Variants in SLC68A1 observed in about 807,000 individuals in gnomAD.
SLC68A1 encodes the protein major facilitator superfamily domain containing 13A.
the SLC68A1 span, chr10:102,473,837 G>C: frequency 3.1e-6 from 5 of 1,612,330 alleles, no homozygotes; most frequent in Non-Finnish European, 4.2e-6. Context: ...TCTTCACTGA[G>C]GGCACCTGTA....
At chr10:102,472,787 G>T in the SLC68A1 span, 15 of 1,209,820 alleles carry the variant, frequency 1.2e-5, no homozygotes, top group Non-Finnish European at 1.1e-5. Flanking sequence ...GTGTTCCCCT[G>T]TTGGCTTCTG....
the SLC68A1 span, chr10:102,472,344 C>T: frequency 3.8e-6 from 1 of 261,470 alleles, no homozygotes; most frequent in Admixed American, 5.3e-5. Flanking sequence ...CTCACTGCAA[C>T]CTCTGCCTCC....
At chr10:102,475,304 A>T in the SLC68A1 span, among the ~76,000 whole-genome samples, 1 of 151,524 alleles carries the variant, frequency 6.6e-6, no homozygotes, top group African/African-American at 2.4e-5. Flanking sequence ...TTTCCAAAAA[A>T]AAAAAAGTTC....
chr10:102,472,424 G>T, the SLC68A1 span, among the ~76,000 whole-genome samples: 1 of 151,944 alleles, frequency 6.6e-6, no homozygotes, highest in Non-Finnish European at 1.5e-5. Flanking sequence ...CACAACACCC[G>T]ACTAAGTTTT....
chr10:102,473,977 C>T, the SLC68A1 span: 22 of 1,609,918 alleles, frequency 1.4e-5, no homozygotes, highest in South Asian at 4.4e-5. Flanking sequence ...ACCTTTGCCC[C>T]GCTGCTGGGC....
the SLC68A1 span, among the ~76,000 whole-genome samples, chr10:102,463,325 A>G: frequency 3.3e-5 from 5 of 152,134 alleles, no homozygotes; most frequent in African/African-American, 1.2e-4. Context: ...CGTGCCCGCC[A>G]CCACGCCTGG....
At chr10:102,465,784 A>G in the SLC68A1 span, among the ~76,000 whole-genome samples, 1 of 152,176 alleles carries the variant, frequency 6.6e-6, no homozygotes, top group African/African-American at 2.4e-5. Flanking sequence ...GGCAAGTGGG[A>G]GAAGGCTGTT....
chr10:102,474,303 G>C, the SLC68A1 span, among the ~76,000 whole-genome samples: 1 of 147,764 alleles, frequency 6.8e-6, no homozygotes, highest in South Asian at 2.3e-4. Flanking sequence ...CACGGAGCTT[G>C]TATTCTAGTC....
At chr10:102,475,863 G>T in the SLC68A1 span, 1 of 1,614,002 alleles carries the variant, frequency 6.2e-7, no homozygotes, top group South Asian at 1.1e-5. Context: ...CCCATCACCT[G>T]TGCTCTGCTG....
At chr10:102,472,998 C>G in the SLC68A1 span, 1 of 1,439,886 alleles carries the variant, frequency 6.9e-7, no homozygotes, top group Non-Finnish European at 9.8e-7. Context: ...GGAGAGAGAC[C>G]TGTATTTTTA....
chr10:102,473,882 C>CT, the SLC68A1 span: 1 of 1,614,136 alleles, frequency 6.2e-7, no homozygotes, highest in Non-Finnish European at 8.5e-7. Flanking sequence ...ACCTGGTAGA[C>CT]GAGGACCTGG....
chr10:102,475,637 G>A, the SLC68A1 span: 4 of 1,465,062 alleles, frequency 2.7e-6, no homozygotes, highest in Non-Finnish European at 3.7e-6. Flanking sequence ...TGTGGTGTCT[G>A]AGATGTCACA....
chr10:102,473,690 T>G, the SLC68A1 span: 1 of 1,614,120 alleles, frequency 6.2e-7, no homozygotes, highest in Non-Finnish European at 8.5e-7. Flanking sequence ...AGCCTGCTCA[T>G]GTTGTTGGCC....
At chr10:102,476,822 T>C in the SLC68A1 span, 2 of 985,774 alleles carry the variant, frequency 2.0e-6, no homozygotes, top group Non-Finnish European at 2.4e-6. Context: ...GAACCACTTT[T>C]AATACTGCAA....
chr10:102,471,417 C>A, the SLC68A1 span: 1 of 1,604,162 alleles, frequency 6.2e-7, no homozygotes, highest in East Asian at 2.2e-5. Flanking sequence ...CAGCTCCCGG[C>A]CCCTCTACAG....
chr10:102,464,976 C>T, the SLC68A1 span, among the ~76,000 whole-genome samples: 1,281 of 151,656 alleles, frequency 8.4e-3, 63 homozygotes, highest in Admixed American at 0.073. Context: ...AAAATTAGGC[C>T]GGGTGTGGAG....
the SLC68A1 span, chr10:102,473,790 T>G: frequency 6.2e-7 from 1 of 1,606,766 alleles, no homozygotes; most frequent in Non-Finnish European, 8.5e-7. Context: ...CATGCCTTCA[T>G]TCCTGCCTGC....
At chr10:102,476,477 A>G in the SLC68A1 span, 2 of 984,154 alleles carry the variant, frequency 2.0e-6, no homozygotes, top group Admixed American at 6.1e-5. Context: ...AGTGCTGGGA[A>G]TACAGGCATG....
At chr10:102,468,704 ACG>A in the SLC68A1 span, 1 of 234,148 alleles carries the variant, frequency 4.3e-6, no homozygotes, top group African/African-American at 2.3e-5. Context: ...CAGCCCTGGC[ACG>A]CGACCTGGCT....
Sources: gnomAD v4.1 joint callset for allele counts (sites outside exome capture counted in the v4.1 genomes callset) on GRCh38, gnomAD v4.1.1 for gene constraint, MANE v1.5 for transcripts, NCBI Gene and HGNC (gene_info 2026-07-23, HGNC 2026-07-21) for gene names.